TRAPPC11: variants seen among roughly 807,000 people sequenced by gnomAD.
The protein encoded by TRAPPC11 is foie gras homolog.
In TRAPPC11, 104 loss-of-function variants were observed where a neutral mutation model predicts 151.2. That is an observed-to-expected ratio of 0.69 (90% CI 0.59 to 0.81). TRAPPC11 has a LOEUF of 0.81. Among genes scored for constraint, TRAPPC11 ranks in the 30% least tolerant of loss-of-function variants. The pLI is 0.00. For synonymous variants in TRAPPC11, 456 were observed against 472.3 expected (o/e 0.97, Z 0.45); for missense variants, 1,230 against 1,349.6 (o/e 0.91, Z 1.39).
intron 1 of TRAPPC11, among the ~76,000 whole-genome samples, chr4:183,660,925 G>T (rs1734467269): frequency 6.6e-6 from 1 of 151,940 alleles, no homozygotes; most frequent in Non-Finnish European, 1.5e-5. Context: ...TATTGGCCAG[G>T]CTGGTTTTGA....
intron 26 of TRAPPC11, 93 bp downstream of exon 26, chr4:183,701,901 C>A: frequency 1.1e-6 from 1 of 895,356 alleles, no homozygotes. Context: ...TTGAGAGTTT[C>A]TGTCATTCTG....
At chr4:183,677,313 C>A in intron 7 of TRAPPC11, 145 bp from the exon 8 acceptor site, 1 of 636,940 alleles carries the variant, frequency 1.6e-6, no homozygotes, top group South Asian at 1.9e-5. Context: ...ACTAATGGCT[C>A]ATTTATCAGG....
Position 183,680,139 on chromosome 4 carries a change from T to G in TRAPPC11, c.985T>G (p.Leu329Val), listed in dbSNP as rs1735603039. 1 of 1,613,112 alleles carries G rather than the reference T, an allele frequency of 6.2e-7. No homozygotes were observed. Among genetic ancestry groups the G allele is most frequent in the South Asian group, 1.1e-5 (1 of 90,652 alleles). ...TTTAAGATTCCAGGCCTTTGGAGAT[T>G]TATTTGATGAAGCTATTAAGTTAGG... is the stretch of plus-strand genomic sequence containing the variant. ...MSKQFQAFGDLFDEAIKLGLT... is the reference protein window; with the variant it reads ...MSKQFQAFGDVFDEAIKLGLT... Residue 329 changes from leucine (L) to valine (V), a missense_variant, in exon 10 of 30, where the codon TTA becomes GTA. Leu to Val is a conservative substitution (Grantham distance 32, BLOSUM62 1). Transcript: ENST00000334690.
rs184659487 is a variant in TRAPPC11, at chr4:183,697,603, G to A, written c.2694+35G>A. 11,202 of 1,605,242 alleles carry A rather than the reference G, an allele frequency of 7.0e-3. 685 individuals are homozygous for A. The African/African-American group carries it at 0.13, about 19-fold the overall frequency. ...TTTGAGGCATACTAGAAATCATTTAGGTTATAAAAATGGACTGAAATGATA... is the reference window on the plus strand; with the variant it reads ...TTTGAGGCATACTAGAAATCATTTAAGTTATAAAAATGGACTGAAATGATA... On this transcript the variant is annotated intron_variant, in intron 24 of 29. Coordinates refer to ENST00000334690, the MANE Select transcript of TRAPPC11 (RefSeq NM_021942.6).
intron 23 of TRAPPC11, among the ~76,000 whole-genome samples, chr4:183,694,945 CTTTTTTTTTTT>C (rs34556587): frequency 1.1e-4 from 13 of 119,858 alleles, no homozygotes; most frequent in African/African-American, 4.1e-4. Context: ...TATGGCTTTT[CTTTTTTTTTTT>C]TTTTTTTTTG....
intron 17 of TRAPPC11, 123 bp downstream of exon 17, chr4:183,685,526 A>G: frequency 1.7e-6 from 2 of 1,162,886 alleles, no homozygotes; most frequent in Middle Eastern, 2.3e-4. Context: ...CATGTTATAG[A>G]TAAACTGATT....
chr4:183,697,642 T>A, intron 24 of TRAPPC11, 37 bp from the exon 25 acceptor site: 2 of 1,611,378 alleles, frequency 1.2e-6, no homozygotes, highest in Non-Finnish European at 1.7e-6. Flanking sequence ...TGGATTAAGG[T>A]AATTCCTGAC....
chr4:183,690,963 A>G (rs568353102), intron 18 of TRAPPC11, among the ~76,000 whole-genome samples: 1 of 152,298 alleles, frequency 6.6e-6, no homozygotes, highest in Admixed American at 6.5e-5. Flanking sequence ...GAAGTAACCA[A>G]GCAGGATGAG....
chr4:183,660,279 G>A (rs1264455137), intron 1 of TRAPPC11, among the ~76,000 whole-genome samples: 5 of 152,186 alleles, frequency 3.3e-5, no homozygotes, highest in Non-Finnish European at 5.9e-5. Flanking sequence ...TTAGATCTCT[G>A]CTGTCCAGTT....
Position 183,685,417 on chromosome 4 carries a change from A to T in TRAPPC11, c.1762+14A>T. ...TTGTGCCATTTGGTAGGTAGCTAAC[A>T]TCTACAGTACTATTTCAGAGAAATT... is the stretch of plus-strand genomic sequence containing the variant. On this transcript the variant is annotated intron_variant, in intron 17 of 29. Transcript: ENST00000334690. The T allele has an allele frequency of 6.2e-7, 1 of 1,610,960 alleles. No homozygotes were observed. Among genetic ancestry groups the T allele is most frequent in the African/African-American group, 1.3e-5 (1 of 75,030 alleles).
At chr4:183,661,469 T>A (rs541907040) in intron 1 of TRAPPC11, among the ~76,000 whole-genome samples, 43 of 148,456 alleles carry the variant, frequency 2.9e-4, no homozygotes, top group African/African-American at 1.0e-3. Flanking sequence ...CCTCCCGGGT[T>A]CACGCCATTC....
intron 18 of TRAPPC11, among the ~76,000 whole-genome samples, chr4:183,689,204 G>A (rs920648613): frequency 6.6e-6 from 1 of 152,072 alleles, no homozygotes; most frequent in Non-Finnish European, 1.5e-5. Context: ...GCTGGTGTTG[G>A]GAATGGAGAT....
chr4:183,694,157 T>G (rs967591797), intron 22 of TRAPPC11, 119 bp downstream of exon 22: 2 of 1,061,418 alleles, frequency 1.9e-6, no homozygotes, highest in Non-Finnish European at 2.7e-6. Flanking sequence ...AAAAGTGATT[T>G]AACTAATGAA....
At chr4:183,661,361 C>CTTTTT (rs139201416) in intron 1 of TRAPPC11, among the ~76,000 whole-genome samples, 77 of 79,412 alleles carry the variant, frequency 9.7e-4, no homozygotes, top group Admixed American at 1.4e-3. Flanking sequence ...TGTAGATTAC[C>CTTTTT]TTTTTTTTTT....
intron 25 of TRAPPC11, chr4:183,700,892 G>C (rs1370236530): frequency 1.3e-5 from 2 of 152,152 alleles, no homozygotes; most frequent in African/African-American, 2.4e-5. Flanking sequence ...CTGTCACCCA[G>C]GCTGGAGTGC....
At position 183,674,888 on chromosome 4, in the gene TRAPPC11, T is replaced by G. The variant is rs561537431; in HGVS notation, c.660+76T>G. 1.2e-4 allele frequency: 106 copies of G among 863,152 alleles called. 1 individual carries two copies. In the African/African-American group the frequency reaches 1.8e-3, roughly 14 times the overall value. 53.5% of individuals were successfully genotyped at this position (863,152 alleles called of 1,614,324 possible). ...TTTTTGAGGTGATTATTACATGTTCTTAATACTTTAATGTTTTAAATGGTT... is the reference window on the plus strand; with the variant it reads ...TTTTTGAGGTGATTATTACATGTTCGTAATACTTTAATGTTTTAAATGGTT... On this transcript the variant is annotated intron_variant, in intron 6 of 29. Transcript: ENST00000334690.
chr4:183,712,192 C>A (rs1238647207), intron 29 of TRAPPC11, among the ~76,000 whole-genome samples: 2 of 152,092 alleles, frequency 1.3e-5, no homozygotes, highest in Non-Finnish European at 2.9e-5. Context: ...ACAGGAGGGC[C>A]CTGAGCAAGA....
rs536416757 is a variant in TRAPPC11 at position 183,708,422 on chromosome 4, C to T, written c.3205C>T (p.Leu1069Phe). The stretch of plus-strand genomic sequence containing the variant: ...TATGATGCAGATTCGATTACGTATC[C>T]TCCCTGGCACGGAGCAGGAAATGCT... ...SGLKQIRLRILPGTEQEMLYN... is the reference protein window; with the variant it reads ...SGLKQIRLRIFPGTEQEMLYN... The change falls in exon 29 of 30, where the codon CTC becomes TTC. Residue 1069 changes from leucine to phenylalanine, a missense_variant. Physicochemically the swap from Leu to Phe is conservative, Grantham distance 22. Transcript: ENST00000334690. 6.2e-7 allele frequency: 1 copy of T among 1,612,366 alleles called. No individual in the cohort carries two copies. Among genetic ancestry groups the T allele is most frequent in the African/African-American group, 1.3e-5 (1 of 74,970 alleles).
intron 2 of TRAPPC11, among the ~76,000 whole-genome samples, chr4:183,665,929 CTTT>C (rs11462767): frequency 7.3e-6 from 1 of 137,884 alleles, no homozygotes; most frequent in Non-Finnish European, 1.5e-5. Flanking sequence ...AAATGGGCTA[CTTT>C]TTTTTTTTTT....
Sources: gnomAD v4.1 joint callset for allele counts (sites outside exome capture counted in the v4.1 genomes callset) on GRCh38, gnomAD v4.1.1 for gene constraint, MANE v1.5 for transcripts, NCBI Gene and HGNC (gene_info 2026-07-23, HGNC 2026-07-21) for gene names.